The following AARSD1 variants were observed in gnomAD, a reference collection of about 807,000 sequenced individuals.
AARSD1 encodes the protein alanyl-tRNA synthetase domain containing 1, also known as alanyl-tRNA editing protein Aarsd1.
AARSD1 carries 44 observed loss-of-function variants against 48.7 expected under a neutral mutation model. The observed-to-expected ratio is 0.90, with a 90% confidence interval of 0.71 to 1.16. AARSD1 has a LOEUF of 1.16. AARSD1 is among the 50% of genes most tolerant of loss of function. The probability of loss-of-function intolerance (pLI) is 0.00; values close to 1 mark genes in which losing one functional copy is unlikely to be tolerated. For missense variants in AARSD1, 511 were observed against 523.1 expected (o/e 0.98, Z 0.23); for synonymous variants, 189 against 194.9 (o/e 0.97, Z 0.25).
intron 3 of AARSD1, among the ~76,000 whole-genome samples, chr17:42,960,733 A>G (rs1394638214): frequency 2.0e-5 from 3 of 151,758 alleles, no homozygotes; most frequent in Non-Finnish European, 4.4e-5. Context: ...AAAAAAAAAA[A>G]AAAAAAGAAA....
chr17:42,955,019 A>G (rs1424274219), intron 8 of AARSD1, 52 bp from the exon 9 acceptor site: 1 of 1,612,664 alleles, frequency 6.2e-7, no homozygotes, highest in Non-Finnish European at 8.5e-7. Context: ...AACAATAGAG[A>G]GTATCAGCTT....
chr17:42,964,027 G>A, intron 2 of AARSD1, 79 bp downstream of exon 2: 1 of 1,590,952 alleles, frequency 6.3e-7, no homozygotes, highest in Non-Finnish European at 8.5e-7. Flanking sequence ...CATTATGGCT[G>A]AGAAAAAAGG....
chr17:42,961,022 A>C (rs182553754), intron 3 of AARSD1, 170 bp downstream of exon 3: 2 of 1,123,268 alleles, frequency 1.8e-6, no homozygotes, highest in Non-Finnish European at 2.4e-6. Flanking sequence ...TCAGTTGTTC[A>C]TGTTGCTGTT....
At chr17:42,952,683 C>G (rs970170546) in intron 10 of AARSD1, among the ~76,000 whole-genome samples, 3 of 151,858 alleles carry the variant, frequency 2.0e-5, no homozygotes, top group African/African-American at 7.3e-5. Flanking sequence ...AAAAAACAAA[C>G]AAACAAACAA....
chr17:42,962,021 G>A (rs62076375), intron 2 of AARSD1, among the ~76,000 whole-genome samples: 1 of 151,154 alleles, frequency 6.6e-6, no homozygotes, highest in African/African-American at 2.4e-5. Flanking sequence ...AAAAAAAAGG[G>A]CCAGGTACAG....
At chr17:42,953,889 G>A in intron 9 of AARSD1, 111 bp from the exon 10 acceptor site, 1 of 1,362,862 alleles carries the variant, frequency 7.3e-7, no homozygotes, top group Non-Finnish European at 1.0e-6. Flanking sequence ...TACACATAAA[G>A]TCCCATATCC....
intron 4 of AARSD1, 72 bp downstream of exon 4, chr17:42,957,066 T>G (rs2095676797): frequency 2.6e-6 from 4 of 1,551,020 alleles, no homozygotes; most frequent in Non-Finnish European, 3.5e-6. Context: ...GCTCAAGCAA[T>G]TCTCCCACCT....
At chr17:42,953,811 T>A in intron 9 of AARSD1, 33 bp from the exon 10 acceptor site, 2 of 1,614,030 alleles carry the variant, frequency 1.2e-6, no homozygotes, top group East Asian at 4.5e-5. Context: ...GAGACCCAGG[T>A]TGGAGTGGTG....
At chr17:42,956,825 G>A (rs2049561555) in intron 4 of AARSD1, among the ~76,000 whole-genome samples, 1 of 148,064 alleles carries the variant, frequency 6.8e-6, no homozygotes, top group South Asian at 2.2e-4. Flanking sequence ...CCGCCACCAC[G>A]CCCGGCTAAT....
chr17:42,964,248 A>T lies in AARSD1; in HGVS notation c.40-11T>A, dbSNP rs779156060. ...CACGGTGGTGGTGAACTGAACAGAG[A>T]GGAATGAGAGAATAAGCCCCGACCC... On this transcript the variant is annotated splice_polypyrimidine_tract_variant and intron_variant, in intron 1 of 11. Transcript: ENST00000427569. 1.2e-6 allele frequency: 2 copies of T among 1,602,006 alleles called. No individual in the cohort carries two copies. The highest frequency in any genetic ancestry group is 1.1e-5 in the South Asian group (1 of 90,356).
chr17:42,956,966 C>T (rs1597715136), intron 4 of AARSD1, among the ~76,000 whole-genome samples, 172 bp downstream of exon 4: 4 of 118,556 alleles, frequency 3.4e-5, no homozygotes, highest in Middle Eastern at 4.6e-3. Flanking sequence ...TGCGCCTGGC[C>T]TTTTTTTTTT....
chr17:42,961,655 T>C (rs1156307692), intron 2 of AARSD1, among the ~76,000 whole-genome samples: 1 of 152,202 alleles, frequency 6.6e-6, no homozygotes, highest in Non-Finnish European at 1.5e-5. Context: ...GTCTAGATTC[T>C]TTTGTAGTCT....
intron 8 of AARSD1, 51 bp downstream of exon 8, chr17:42,955,107 C>T: frequency 1.2e-6 from 2 of 1,613,690 alleles, no homozygotes; most frequent in Non-Finnish European, 1.7e-6. Flanking sequence ...GTCTGCAGAG[C>T]CTATCCTAGG....
intron 3 of AARSD1, among the ~76,000 whole-genome samples, chr17:42,958,969 C>G (rs1045055855): frequency 6.6e-6 from 1 of 150,614 alleles, no homozygotes; most frequent in African/African-American, 2.4e-5. Flanking sequence ...GAGGCCGAGG[C>G]GAGCAGATCA....
At position 42,951,846 on chromosome 17, in the gene AARSD1, A is replaced by G; in HGVS notation, c.1057T>C (p.Phe353Leu). The change falls in exon 11 of 12, where the codon TTC becomes CTC. Residue 353 changes from phenylalanine to leucine, a missense_variant. Physicochemically the swap from Phe to Leu is conservative, Grantham distance 22. Transcript: ENST00000427569. ...TVGDEKGGGLFLLAGPPASVE... is the reference protein window; with the variant it reads ...TVGDEKGGGLLLLAGPPASVE... ...GACGCAGGTGGCCCTGCCAGTAAGA[A>G]GAGTCCACCACCTTTCTCATCGCCC... 6.2e-7 allele frequency: 1 copy of G among 1,614,194 alleles called. No homozygotes were observed. Among genetic ancestry groups the G allele is most frequent in the Non-Finnish European group, 8.5e-7 (1 of 1,180,020 alleles).
At position 42,956,239 on chromosome 17, in the gene AARSD1, A is replaced by G. The variant is rs1440539422; in HGVS notation, c.628T>C (p.Cys210Arg). Residue 210 changes from cysteine to arginine, a missense_variant, in exon 6 of 12, where the codon TGT (cysteine) becomes CGT (arginine). Transcript: ENST00000427569. ...CTGAGATTGCTCACATGGGTCCCAC[A>G]GCACATGTTGGAATCAACGCCCTCG... ...NIEGVDSNMC[C>R]GTHVSNLSDL... 1 of 1,614,116 alleles carries G rather than the reference A, an allele frequency of 6.2e-7. No individual in the cohort carries two copies. The highest frequency in any genetic ancestry group is 8.5e-7 in the Non-Finnish European group (1 of 1,180,022).
chr17:42,959,083 G>A (rs2049596637), intron 3 of AARSD1, among the ~76,000 whole-genome samples: 1 of 143,046 alleles, frequency 7.0e-6, no homozygotes, highest in African/African-American at 2.6e-5. Flanking sequence ...CGTAATCCCA[G>A]CTACTCAGGA....
At chr17:42,958,703 T>C (rs62076369) in intron 3 of AARSD1, among the ~76,000 whole-genome samples, 138,101 of 148,218 alleles carry the variant, frequency 0.93, 65,149 homozygotes, top group East Asian at 1. Flanking sequence ...CCCAAGTAGC[T>C]GGGATTACAG....
chr17:42,952,334 C>T (rs2049490443), intron 10 of AARSD1, among the ~76,000 whole-genome samples: 1 of 152,296 alleles, frequency 6.6e-6, no homozygotes, highest in East Asian at 1.9e-4. Flanking sequence ...GCTCCTCCAC[C>T]TCTAGCATTC....
Sources: allele counts gnomAD v4.1 joint callset (sites outside exome capture counted in the v4.1 genomes callset), GRCh38; gene constraint gnomAD v4.1.1; transcripts MANE v1.5; gene names NCBI Gene and HGNC (gene_info 2026-07-23, HGNC 2026-07-21).